The following PARP4 variants were observed in gnomAD, a reference collection of about 807,000 sequenced individuals.
The protein encoded by PARP4 is protein mono-ADP-ribosyltransferase PARP4.
PARP4 carries 120 observed loss-of-function variants against 187.7 expected under a neutral mutation model. The observed-to-expected ratio is 0.64, with a 90% CI of 0.55 to 0.74. The LOEUF (loss-of-function observed/expected upper bound fraction) is 0.74, where lower values mean the gene tolerates loss of function less well. Ranked by LOEUF, PARP4 falls within the 30% of genes least tolerant of loss-of-function variation. The pLI, the probability that PARP4 is intolerant of heterozygous loss-of-function variation, is 0.00. For synonymous variants in PARP4, 654 were observed against 740.9 expected, an observed-to-expected ratio of 0.88 and a Z score of 1.90; for missense variants, 1,836 against 2,070.5, an observed-to-expected ratio of 0.89 and a Z score of 2.20.
In PARP4 at chr13:24,477,810, A is replaced by G. The variant is rs1225764989; in HGVS notation, c.1680T>C (p.Tyr560=). 1.9e-6 allele frequency: 3 copies of G among 1,575,680 alleles called. No individual in the cohort carries two copies. The highest frequency in any genetic ancestry group is 1.8e-5 in the Admixed American group (1 of 56,594). ...VYKTNQVKMK[Y]IIKFSMPGDQ... ...CTCCAGGCATGGAAAATTTAATAATATATTTCATTTTAACCTGATTGGTTT... is the reference window on the plus strand; with the variant it reads ...CTCCAGGCATGGAAAATTTAATAATGTATTTCATTTTAACCTGATTGGTTT... Residue 560 remains tyrosine (Y), a synonymous_variant, in exon 14 of 34, where the codon TAT becomes TAC. Transcript: ENST00000381989.
chr13:24,504,334 G>A (rs1389427028), intron 1 of PARP4, among the ~76,000 whole-genome samples: 4 of 85,088 alleles, frequency 4.7e-5, no homozygotes, highest in Non-Finnish European at 6.7e-5. Flanking sequence ...TTTTTTTGGA[G>A]ACGGAATCTC....
intron 27 of PARP4, among the ~76,000 whole-genome samples, chr13:24,445,800 G>T (rs1871179075): frequency 6.6e-6 from 1 of 152,216 alleles, no homozygotes; most frequent in Non-Finnish European, 1.5e-5. Flanking sequence ...CTGACCAGAA[G>T]TGTGGGTAAC....
In PARP4 at chr13:24,466,621, C is replaced by A. The variant is rs541681145; in HGVS notation, c.2133+2403G>T. On this transcript the variant is annotated intron_variant, in intron 17 of 33. Coordinates refer to ENST00000381989, the MANE Select transcript of PARP4 (RefSeq NM_006437.4). The stretch of plus-strand genomic sequence containing the variant: ...ACCAGCCTGGCCAACATGGTGAAAC[C>A]CCATCTCTACTAAAAATACAAAAAT... Among the ~76,000 whole-genome samples the A allele has an allele frequency of 9.2e-5, 14 of 151,428 alleles. No homozygotes were observed. In the East Asian group the frequency reaches 2.7e-3, roughly 29 times the overall value.
chr13:24,438,863 T>A (rs555128169), intron 30 of PARP4, among the ~76,000 whole-genome samples: 1 of 152,236 alleles, frequency 6.6e-6, no homozygotes, highest in African/African-American at 2.4e-5. Flanking sequence ...GGCGTGTTAC[T>A]GAATTCAGTG....
chr13:24,455,579 A>ATTAACCAATAT (rs1871791843), intron 21 of PARP4, among the ~76,000 whole-genome samples: 1 of 145,370 alleles, frequency 6.9e-6, no homozygotes, highest in Non-Finnish European at 1.5e-5. Context: ...TGTTCTATTA[A>ATTAACCAATAT]TTAACCAATA....
intron 20 of PARP4, 84 bp downstream of exon 20, chr13:24,458,959 CT>C: frequency 1.0e-6 from 1 of 955,768 alleles, no homozygotes; most frequent in Non-Finnish European, 1.7e-6. Flanking sequence ...CATTATTTCA[CT>C]TTTCAACCAC....
chr13:24,453,547 G>A, intron 23 of PARP4, 40 bp downstream of exon 23: 2 of 1,276,480 alleles, frequency 1.6e-6, no homozygotes, highest in Admixed American at 1.7e-5. Context: ...AAGCATGGTA[G>A]GAAAAGACCC....
chr13:24,471,381 A>G (rs1167948037), intron 15 of PARP4, among the ~76,000 whole-genome samples: 1 of 152,176 alleles, frequency 6.6e-6, no homozygotes, highest in Non-Finnish European at 1.5e-5. Flanking sequence ...CTCTCTTTGC[A>G]TATCACACTG....
intron 31 of PARP4, among the ~76,000 whole-genome samples, chr13:24,433,065 G>T (rs546501266): frequency 5.3e-4 from 81 of 152,282 alleles, no homozygotes; most frequent in African/African-American, 1.9e-3. Flanking sequence ...AAAAAGCTGA[G>T]TGTTGGGAGG....
At chr13:24,468,158 A>ACACACAATCTAGCACCTGC (rs1872568284) in intron 17 of PARP4, among the ~76,000 whole-genome samples, 1 of 152,194 alleles carries the variant, frequency 6.6e-6, no homozygotes, top group African/African-American at 2.4e-5. Context: ...GACGCTGACT[A>ACACACAATCTAGCACCTGC]CACACAATCT....
chr13:24,441,890 A>C lies in PARP4; in HGVS notation c.3622T>G (p.Tyr1208Asp). The C allele has an allele frequency of 5.0e-6, 8 of 1,607,932 alleles. No individual in the cohort carries two copies. The highest frequency in any genetic ancestry group is 6.8e-6 in the Non-Finnish European group (8 of 1,177,212). ...IAKEDVDFLP[Y>D]MSWQGEPQEA... ...TGGGGCTCCCCCTGCCAGCTCATGT[A>C]GGGCAGGAAGTCTACATCTTCTTTG... Residue 1208 changes from tyrosine (Y) to aspartate (D), a missense_variant, in exon 30 of 34, where the codon TAC (tyrosine) becomes GAC (aspartate). Physicochemically the swap from Tyr to Asp is radical, Grantham distance 160. This residue lies in a region of PARP4 where 47 missense variants were observed against 99.5 expected (regional missense o/e 0.47). Transcript: ENST00000381989.
intron 17 of PARP4, among the ~76,000 whole-genome samples, chr13:24,468,222 G>C (rs1229640212): frequency 6.6e-6 from 1 of 152,108 alleles, no homozygotes; most frequent in African/African-American, 2.4e-5. Context: ...AAGTAGTCTA[G>C]TGGACCTGCC....
Position 24,486,312 on chromosome 13 carries a change from G to A in PARP4, c.1215-7C>T, listed in dbSNP as rs756168372. 1 of 1,552,132 alleles carries A rather than the reference G, an allele frequency of 6.4e-7. No individual in the cohort carries two copies. Among genetic ancestry groups the A allele is most frequent in the East Asian group, 2.2e-5 (1 of 44,540 alleles). The stretch of plus-strand genomic sequence containing the variant: ...GACATCCACTGGGCTCTTACTGTAA[G>A]AATTAGAAGAAAAGCCTTTAGATTA... On this transcript the variant is annotated splice_region_variant and splice_polypyrimidine_tract_variant and intron_variant, in intron 10 of 33. Coordinates refer to ENST00000381989, the MANE Select transcript of PARP4 (RefSeq NM_006437.4).
At chr13:24,452,295 T>C (rs1404676987) in intron 24 of PARP4, 111 bp downstream of exon 24, 2 of 869,526 alleles carry the variant, frequency 2.3e-6, no homozygotes, top group East Asian at 2.5e-5. Flanking sequence ...CTCTATGCTG[T>C]AAGGCTTCTG....
intron 33 of PARP4, among the ~76,000 whole-genome samples, chr13:24,422,532 T>C (rs1593578405): frequency 6.6e-6 from 1 of 152,348 alleles, no homozygotes; most frequent in South Asian, 2.1e-4. Flanking sequence ...TAATGTGCTC[T>C]TGCATCAATG....
chr13:24,511,243 G>A (rs115683669), intron 1 of PARP4, among the ~76,000 whole-genome samples: 2,810 of 152,204 alleles, frequency 0.018, 90 homozygotes, highest in African/African-American at 0.06. Flanking sequence ...TCTGTAAAAT[G>A]CCAGCCCTCT....
chr13:24,460,235 G>A, intron 17 of PARP4, 99 bp from the exon 18 acceptor site: 2 of 986,468 alleles, frequency 2.0e-6, no homozygotes, highest in Non-Finnish European at 3.0e-6. Flanking sequence ...ATGACAACCT[G>A]CCAAATTCTT....
At chr13:24,509,475 C>G (rs1233980933) in intron 1 of PARP4, among the ~76,000 whole-genome samples, 2 of 150,644 alleles carry the variant, frequency 1.3e-5, no homozygotes, top group Admixed American at 1.3e-4. Flanking sequence ...CCACTGCACT[C>G]CAGCCTGGGT....
intron 7 of PARP4, 86 bp downstream of exon 7, chr13:24,494,487 C>G: frequency 7.9e-7 from 1 of 1,266,706 alleles, no homozygotes; most frequent in South Asian, 1.4e-5. Context: ...GCCACGAAGC[C>G]TGGCCCAGTC....
Sources: gnomAD v4.1 joint callset for allele counts (sites outside exome capture counted in the v4.1 genomes callset) on GRCh38, gnomAD v4.1.1 for gene constraint, gnomAD v4.1.1 regional missense constraint, MANE v1.5 for transcripts, NCBI Gene and HGNC (gene_info 2026-07-23, HGNC 2026-07-21) for gene names.